Variants in COL5A1 observed in about 807,000 individuals in gnomAD.
COL5A1 encodes collagen alpha-1(V) chain.
In COL5A1, 16 loss-of-function variants were observed where a neutral mutation model predicts 263.7. The ratio of observed to expected loss-of-function variants is 0.06; its 90% CI spans 0.04 to 0.09. COL5A1 has a LOEUF of 0.09. Ranked by LOEUF, COL5A1 falls within the 10% of genes least tolerant of loss-of-function variation. The probability of loss-of-function intolerance (pLI) is 1.00; values close to 1 mark genes in which losing one functional copy is unlikely to be tolerated. For synonymous variants in COL5A1, 1,012 were observed against 1,004.5 expected (o/e 1.01, Z -0.14); for missense variants, 2,036 against 2,540.5 (o/e 0.80, Z 4.27).
rs1588565681 is a variant in COL5A1 at position 134,801,808 on chromosome 9, A to G, written c.2953-146A>G. ...CATCTGAAAAAAAAAAAAATGAAAC[A>G]AGAGACATGGGCCTCTTACACAAAG... On this transcript the variant is annotated intron_variant, in intron 37 of 65. Coordinates refer to ENST00000371817, the MANE Select transcript of COL5A1 (RefSeq NM_000093.5). 1.1e-5 allele frequency: 8 copies of G among 753,688 alleles called. No individual in the cohort carries two copies. The East Asian group carries it at 2.0e-4, about 19-fold the overall frequency. 46.7% of individuals were successfully genotyped at this position (753,688 alleles called of 1,614,324 possible).
intron 30 of COL5A1, 91 bp downstream of exon 30, chr9:134,785,187 C>T (rs4073326): frequency 3.0e-6 from 3 of 1,015,354 alleles, no homozygotes; most frequent in African/African-American, 1.6e-5. Flanking sequence ...TGTGGCTGCC[C>T]TAGGCATGGG....
chr9:134,776,523 T>C (rs1837057007), intron 27 of COL5A1, among the ~76,000 whole-genome samples: 2 of 152,228 alleles, frequency 1.3e-5, no homozygotes, highest in Admixed American at 1.3e-4. Flanking sequence ...AAGTTTCTCA[T>C]ACTCCTGTGC....
At chr9:134,826,038 A>G in intron 63 of COL5A1, 134 bp downstream of exon 63, 2 of 592,440 alleles carry the variant, frequency 3.4e-6, no homozygotes, top group Non-Finnish European at 6.1e-6. Flanking sequence ...CATCAGTGAA[A>G]CTGTTCTTTC....
At position 134,752,555 on chromosome 9, in the gene COL5A1, G is replaced by A. The variant is rs747245316; in HGVS notation, c.1663-34G>A. ...AGCAAACCGGAGCACTGCTGCTGGGGCCCTGTCTCAGCGTGTCTCACTTTC... is the reference window on the plus strand; with the variant it reads ...AGCAAACCGGAGCACTGCTGCTGGGACCCTGTCTCAGCGTGTCTCACTTTC... On this transcript the variant is annotated intron_variant, in intron 13 of 65. Transcript: ENST00000371817. The A allele has an allele frequency of 2.5e-6, 4 of 1,576,976 alleles. No individual in the cohort carries two copies. In the African/African-American group the frequency reaches 4.0e-5, roughly 16 times the overall value.
chr9:134,762,411 G>A (rs1012598905), intron 19 of COL5A1, among the ~76,000 whole-genome samples: 2 of 152,246 alleles, frequency 1.3e-5, no homozygotes, highest in African/African-American at 2.4e-5. Flanking sequence ...GGGGGGATTG[G>A]AAATAACCCT....
intron 19 of COL5A1, among the ~76,000 whole-genome samples, chr9:134,762,330 C>T (rs775513709): frequency 5.3e-5 from 8 of 152,226 alleles, no homozygotes; most frequent in African/African-American, 9.6e-5. Context: ...CTGCTTATCT[C>T]GTCCAGATGA....
chr9:134,820,756 A>T (rs765932891), intron 58 of COL5A1, among the ~76,000 whole-genome samples: 34 of 152,120 alleles, frequency 2.2e-4, no homozygotes, highest in Non-Finnish European at 4.7e-4. Context: ...GTGACTTGGA[A>T]GTGGCCTGGG....
At chr9:134,721,948 C>T (rs968277179) in intron 4 of COL5A1, among the ~76,000 whole-genome samples, 2 of 152,226 alleles carry the variant, frequency 1.3e-5, no homozygotes, top group Admixed American at 1.3e-4. Flanking sequence ...AGCCCTGGGC[C>T]AGGATCCAGG....
Position 134,765,688 on chromosome 9 carries a change from G to T in COL5A1, c.2042G>T (p.Arg681Leu). 2 of 1,613,676 alleles carry T rather than the reference G, an allele frequency of 1.2e-6. No homozygotes were observed. Among genetic ancestry groups the T allele is most frequent in the Non-Finnish European group, 1.7e-6 (2 of 1,179,648 alleles). Reference protein sequence around the residue: ...PRGLPGEPGPRGLLGPKGPPG... With the variant: ...PRGLPGEPGPLGLLGPKGPPG... Reference sequence around the variant, plus strand: ...TTCCCTTTCCTCTTACAGGGGCCACGTGGTCTGCTTGGGCCGAAGGGGCCC... The same window carrying T: ...TTCCCTTTCCTCTTACAGGGGCCACTTGGTCTGCTTGGGCCGAAGGGGCCC... The change falls in exon 21 of 66, where the codon CGT becomes CTT. Residue 681 changes from arginine (R) to leucine (L), a missense_variant. This residue lies in a region of COL5A1 where 1,078 missense variants were observed against 1,521.4 expected (regional missense o/e 0.71). Transcript: ENST00000371817. This position sits in a 1 kb window ranked among gnomAD's most constrained non-coding sequence, Gnocchi z 5.1.
intron 11 of COL5A1, among the ~76,000 whole-genome samples, chr9:134,743,350 G>A (rs893061199): frequency 6.6e-6 from 1 of 152,210 alleles, no homozygotes. Context: ...ACTCCCGAGA[G>A]CGCCAGCTGG....
chr9:134,706,349 C>T (rs938279226), intron 4 of COL5A1, among the ~76,000 whole-genome samples: 1 of 152,180 alleles, frequency 6.6e-6, no homozygotes, highest in African/African-American at 2.4e-5. Flanking sequence ...TGGGCTCCCC[C>T]CAGTGCAGGA....
chr9:134,787,090 G>A (rs1336887120), intron 31 of COL5A1, among the ~76,000 whole-genome samples: 1 of 152,258 alleles, frequency 6.6e-6, no homozygotes, highest in Non-Finnish European at 1.5e-5. Context: ...TGGGTGTGAT[G>A]TAGCTGCTGA....
chr9:134,803,618 C>T (rs963653510), intron 39 of COL5A1, among the ~76,000 whole-genome samples: 1 of 150,840 alleles, frequency 6.6e-6, no homozygotes, highest in Non-Finnish European at 1.5e-5. Flanking sequence ...CTGGTTAACA[C>T]AAATGAAACT....
chr9:134,834,239 C>T lies in COL5A1; in HGVS notation c.5137-732C>T, dbSNP rs186915392. Among the ~76,000 whole-genome samples, 266 of 152,298 alleles carry T rather than the reference C, an allele frequency of 1.7e-3. 1 individual carries two copies. The highest frequency in any genetic ancestry group is 3.4e-3 in the Middle Eastern group (1 of 294). On this transcript the variant is annotated intron_variant, in intron 64 of 65. Transcript: ENST00000371817. ...GGCTCGCCTGCTGCTCCAGGTGCCC[C>T]GACCCAGCGATCGGGTGCAGAGCTC...
chr9:134,688,415 T>G (rs1479881362), intron 1 of COL5A1, among the ~76,000 whole-genome samples: 3 of 152,240 alleles, frequency 2.0e-5, no homozygotes, highest in South Asian at 2.1e-4. Flanking sequence ...GACCGGCAGC[T>G]GGCGCATCCT....
At chr9:134,710,067 A>G (rs1368452414) in intron 4 of COL5A1, among the ~76,000 whole-genome samples, 1 of 152,172 alleles carries the variant, frequency 6.6e-6, no homozygotes, top group Non-Finnish European at 1.5e-5. Flanking sequence ...CATCTGAGGG[A>G]GCCGCAGTCA....
At position 134,795,286 on chromosome 9, in the gene COL5A1, C is replaced by T. The variant is rs1472700264; in HGVS notation, c.2770C>T (p.Arg924Trp). The part of the protein sequence containing the change: ...PTGPRGERGP[R>W]GITGKPGPKG... ...GGGTCCGAGGGGTGAAAGAGGCCCCCGGGGCATCACTGGGAAGCCTGGCCC... is the reference window on the plus strand; with the variant it reads ...GGGTCCGAGGGGTGAAAGAGGCCCCTGGGGCATCACTGGGAAGCCTGGCCC... The change falls in exon 34 of 66, where the codon CGG (arginine) becomes TGG (tryptophan). Residue 924 changes from arginine to tryptophan, a missense_variant. Physicochemically the swap from Arg to Trp is moderately radical, Grantham distance 101. Coordinates refer to ENST00000371817, the MANE Select transcript of COL5A1 (RefSeq NM_000093.5). 11 of 1,613,738 alleles carry T rather than the reference C, an allele frequency of 6.8e-6. No homozygotes were observed. Among genetic ancestry groups the T allele is most frequent in the South Asian group, 1.1e-5 (1 of 91,062 alleles).
chr9:134,755,851 G>C lies in COL5A1; in HGVS notation c.1828-914G>C, dbSNP rs142577781. The stretch of plus-strand genomic sequence containing the variant: ...CCACCTTGTCTGTCTCCAGTGCTTT[G>C]AGACCCTAAGCTGCCACCCTCCAGA... On this transcript the variant is annotated intron_variant, in intron 16 of 65. Coordinates refer to ENST00000371817, the MANE Select transcript of COL5A1 (RefSeq NM_000093.5). The surrounding 1 kb of genome is among the most constrained non-coding windows in gnomAD (Gnocchi z 4.1). 6.6e-6 allele frequency among the ~76,000 whole-genome samples: 1 copy of C among 152,284 alleles called. No homozygotes were observed. The highest frequency in any genetic ancestry group is 1.9e-4 in the East Asian group (1 of 5,162).
At position 134,760,852 on chromosome 9, in the gene COL5A1, G is replaced by A. The variant is rs572737612; in HGVS notation, c.1936-1073G>A. Among the ~76,000 whole-genome samples, 8 of 128,304 alleles carry A rather than the reference G, an allele frequency of 6.2e-5. No homozygotes were observed. In the East Asian group the frequency reaches 1.5e-3, roughly 24 times the overall value. 84.2% of individuals were successfully genotyped at this position (128,304 alleles called of 152,430 possible). On this transcript the variant is annotated intron_variant, in intron 18 of 65. Transcript: ENST00000371817. ...CACATGCACACATGCATACACACAT[G>A]CACACCACCCACACATGCACACAGA...
Sources: gnomAD v4.1 joint callset for allele counts (sites outside exome capture counted in the v4.1 genomes callset) on GRCh38, gnomAD v4.1.1 for gene constraint, gnomAD v4.1.1 regional missense constraint, Gnocchi (gnomAD v3.1) non-coding constraint, MANE v1.5 for transcripts, NCBI Gene and HGNC (gene_info 2026-07-23, HGNC 2026-07-21) for gene names.